GIGYF2: variants seen among roughly 807,000 people sequenced by gnomAD.
GIGYF2 encodes the protein GRB10-interacting GYF protein 2.
Under a neutral mutation model 208.1 loss-of-function variants are expected in GIGYF2, and 25 were observed. The observed-to-expected ratio is 0.12, with a 90% CI of 0.09 to 0.17. The LOEUF (loss-of-function observed/expected upper bound fraction) is 0.17. Among genes scored for constraint, GIGYF2 ranks in the 10% least tolerant of loss-of-function variants. GIGYF2 has a pLI of 1.00. For synonymous variants in GIGYF2, 534 were observed against 543.8 expected, an observed-to-expected ratio of 0.98 and a Z score of 0.25; for missense variants, 1,302 against 1,579.4, an observed-to-expected ratio of 0.82 and a Z score of 2.98.
At chr2:232,840,819 C>T (rs1196199022) in intron 23 of GIGYF2, among the ~76,000 whole-genome samples, 1 of 152,050 alleles carries the variant, frequency 6.6e-6, no homozygotes. Flanking sequence ...GAAAAGGTGA[C>T]ATAATATAGC....
chr2:232,826,999 A>G (rs995319954), intron 21 of GIGYF2, among the ~76,000 whole-genome samples: 29 of 152,194 alleles, frequency 1.9e-4, no homozygotes, highest in Non-Finnish European at 1.2e-4. Flanking sequence ...CAGATTTTCA[A>G]TGTAGGTGAA....
In GIGYF2 at chr2:232,806,840, C is replaced by T. The variant is rs756840486; in HGVS notation, c.1806+183C>T. ...TAGCTATAATGATCTTTTCAAAACT[C>T]GAATAACCTGTGCCCATCCTCTTCA... On this transcript the variant is annotated intron_variant, in intron 15 of 28. Transcript: ENST00000373563. The surrounding 1 kb of genome is among the most constrained non-coding windows in gnomAD (Gnocchi z 4.0). 5.9e-5 allele frequency among the ~76,000 whole-genome samples: 7 copies of T among 118,318 alleles called. No individual in the cohort carries two copies. Among genetic ancestry groups the T allele is most frequent in the South Asian group, 2.4e-4 (1 of 4,206 alleles). 77.6% of individuals were successfully genotyped at this position (118,318 alleles called of 152,430 possible).
chr2:232,741,003 C>A (rs1205721817), intron 3 of GIGYF2, among the ~76,000 whole-genome samples: 2 of 152,166 alleles, frequency 1.3e-5, no homozygotes, highest in African/African-American at 4.8e-5. Flanking sequence ...GATAAAAATA[C>A]ATGGTACCTA....
At chr2:232,727,696 G>GT (rs1553606087) in intron 2 of GIGYF2, among the ~76,000 whole-genome samples, 2 of 152,180 alleles carry the variant, frequency 1.3e-5, no homozygotes, top group Non-Finnish European at 2.9e-5. Flanking sequence ...AGCCTGTACA[G>GT]TGATTGCTGA....
At chr2:232,731,814 G>C (rs1697509408) in intron 2 of GIGYF2, among the ~76,000 whole-genome samples, 1 of 152,136 alleles carries the variant, frequency 6.6e-6, no homozygotes, top group Non-Finnish European at 1.5e-5. Flanking sequence ...AGAAAGAAAG[G>C]AATACTGCCA....
At chr2:232,753,470 G>C (rs867871038) in intron 5 of GIGYF2, among the ~76,000 whole-genome samples, 1 of 151,982 alleles carries the variant, frequency 6.6e-6, no homozygotes, top group South Asian at 2.1e-4. Flanking sequence ...TGTTGGCCAG[G>C]CTAGTCTCGA....
intron 2 of GIGYF2, among the ~76,000 whole-genome samples, chr2:232,716,889 T>G (rs554007250): frequency 2.5e-4 from 38 of 152,104 alleles, no homozygotes; most frequent in Non-Finnish European, 5.0e-4. Context: ...CACTGCTGCC[T>G]CAACCTCCTG....
intron 18 of GIGYF2, among the ~76,000 whole-genome samples, chr2:232,814,550 G>A (rs890409997): frequency 4.7e-5 from 6 of 126,588 alleles, no homozygotes; most frequent in Non-Finnish European, 8.2e-5. Flanking sequence ...GTGACAGAGT[G>A]AGACTCCACC....
intron 2 of GIGYF2, among the ~76,000 whole-genome samples, chr2:232,727,525 A>G (rs1321131048): frequency 6.6e-6 from 1 of 152,230 alleles, no homozygotes; most frequent in Non-Finnish European, 1.5e-5. Flanking sequence ...AGGCAAGAGT[A>G]ATTATGAACT....
intron 1 of GIGYF2, among the ~76,000 whole-genome samples, chr2:232,699,759 T>C (rs930031674): frequency 3.7e-4 from 56 of 152,328 alleles, no homozygotes; most frequent in African/African-American, 1.3e-3. Context: ...GTGGAAACAA[T>C]GTATTAACTC....
At chr2:232,827,066 C>T (rs1308915206) in intron 21 of GIGYF2, among the ~76,000 whole-genome samples, 2 of 152,150 alleles carry the variant, frequency 1.3e-5, no homozygotes, top group South Asian at 2.1e-4. Flanking sequence ...GAGAGGAGAA[C>T]TCAGTGCCTG....
intron 2 of GIGYF2, among the ~76,000 whole-genome samples, chr2:232,729,227 G>T (rs1379883895): frequency 6.6e-6 from 1 of 152,168 alleles, no homozygotes; most frequent in African/African-American, 2.4e-5. Flanking sequence ...TGATCTGCAT[G>T]CCTCAGCTTC....
rs559151881 is a variant in GIGYF2, at chr2:232,740,855, ATATTTC to A, written c.41+5621_41+5626del. Among the ~76,000 whole-genome samples, 300 of 152,276 alleles carry A rather than the reference ATATTTC, an allele frequency of 2.0e-3. 1 individual carries two copies. The highest frequency in any genetic ancestry group is 7.0e-3 in the African/African-American group (289 of 41,546). On this transcript the variant is annotated intron_variant, in intron 3 of 28. Coordinates refer to ENST00000373563, the MANE Select transcript of GIGYF2 (RefSeq NM_001103146.3). Reference sequence around the variant, plus strand: ...ATTTCCAGTTTTCAGAAAGGGTAAAATATTTCTATGTAAACTGAAGGAGTAGTAAAT... The same window carrying A: ...ATTTCCAGTTTTCAGAAAGGGTAAAATATGTAAACTGAAGGAGTAGTAAAT...
chr2:232,818,545 T>G (rs182319838), intron 20 of GIGYF2, among the ~76,000 whole-genome samples: 67 of 152,144 alleles, frequency 4.4e-4, no homozygotes, highest in Admixed American at 9.8e-4. Flanking sequence ...GTTTCCCCCA[T>G]TGTGTGTTTG....
intron 8 of GIGYF2, among the ~76,000 whole-genome samples, chr2:232,769,628 C>T (rs1345583957): frequency 6.6e-6 from 1 of 151,636 alleles, no homozygotes; most frequent in African/African-American, 2.4e-5. Flanking sequence ...CAGGTAATTT[C>T]AGTGCACCTT....
chr2:232,829,251 G>A (rs1186072117), intron 21 of GIGYF2, among the ~76,000 whole-genome samples: 2 of 152,032 alleles, frequency 1.3e-5, no homozygotes, highest in African/African-American at 4.8e-5. Flanking sequence ...GTTACGAAAT[G>A]TTCCTATTTA....
chr2:232,708,806 G>C (rs1280669652), intron 2 of GIGYF2, among the ~76,000 whole-genome samples: 1 of 151,366 alleles, frequency 6.6e-6, no homozygotes, highest in Non-Finnish European at 1.5e-5. Context: ...GACAGAATGA[G>C]ACTCTGTCTC....
intron 1 of GIGYF2, among the ~76,000 whole-genome samples, chr2:232,700,422 A>C (rs1025534075): frequency 2.6e-5 from 4 of 152,194 alleles, no homozygotes; most frequent in Non-Finnish European, 4.4e-5. Flanking sequence ...GCTATCTGGG[A>C]GAACCTTTTT....
intron 3 of GIGYF2, chr2:232,736,220 GA>G: frequency 2.1e-6 from 2 of 932,480 alleles, no homozygotes; most frequent in Non-Finnish European, 2.6e-6. Flanking sequence ...AGTTTATTTA[GA>G]ACATGTTAAC....
Sources: allele counts gnomAD v4.1 joint callset (sites outside exome capture counted in the v4.1 genomes callset), GRCh38; gene constraint gnomAD v4.1.1; non-coding constraint Gnocchi (gnomAD v3.1); transcripts MANE v1.5; gene names NCBI Gene and HGNC (gene_info 2026-07-23, HGNC 2026-07-21).